The following CCSER1 variants were observed in gnomAD, a reference collection of about 807,000 sequenced individuals.
The protein encoded by CCSER1 is coiled-coil serine rich protein 1.
A neutral mutation model predicts 82.0 loss-of-function variants in CCSER1; 41 were observed. The ratio of observed to expected loss-of-function variants is 0.50; its 90% CI spans 0.39 to 0.65. The LOEUF is 0.65. Among genes scored for constraint, CCSER1 ranks in the 30% least tolerant of loss-of-function variants. CCSER1 has a pLI of 0.00. For missense variants in CCSER1, 1,119 were observed against 1,064.2 expected (o/e 1.05, Z -0.72); for synonymous variants, 414 against 383.9 (o/e 1.08, Z -0.92).
chr4:91,469,118 T>C (rs535584001), intron 10 of CCSER1, among the ~76,000 whole-genome samples: 54 of 152,336 alleles, frequency 3.5e-4, no homozygotes, highest in African/African-American at 1.3e-3. Context: ...CAAATCTACA[T>C]TGGATCTTTC....
intron 10 of CCSER1, among the ~76,000 whole-genome samples, chr4:91,225,286 TAA>T (rs1738065691): frequency 2.2e-5 from 1 of 44,788 alleles, no homozygotes; most frequent in Admixed American, 2.6e-4. Flanking sequence ...TTTATATATG[TAA>T]TATATATGTA....
intron 9 of CCSER1, among the ~76,000 whole-genome samples, chr4:90,929,065 C>T (rs1729409940): frequency 1.3e-5 from 2 of 152,060 alleles, no homozygotes; most frequent in Non-Finnish European, 2.9e-5. Flanking sequence ...CTTGCATTCA[C>T]CCTACCCTCT....
At chr4:91,551,870 A>G (rs1396046403) in intron 10 of CCSER1, among the ~76,000 whole-genome samples, 2 of 151,700 alleles carry the variant, frequency 1.3e-5, no homozygotes. Flanking sequence ...CTTTCCTTTT[A>G]GTGTGCTGAC....
chr4:91,090,188 C>T (rs1039199750), intron 10 of CCSER1, among the ~76,000 whole-genome samples: 1 of 152,088 alleles, frequency 6.6e-6, no homozygotes. Context: ...TCATTTTTCG[C>T]GGGAAGCATA....
intron 7 of CCSER1, among the ~76,000 whole-genome samples, chr4:90,740,051 G>A (rs956077450): frequency 2.0e-5 from 3 of 152,054 alleles, no homozygotes; most frequent in African/African-American, 2.4e-5. Context: ...ATATTGCTCC[G>A]CCTTCGTCAC....
intron 3 of CCSER1, among the ~76,000 whole-genome samples, chr4:90,378,176 C>G (rs1318359951): frequency 6.6e-6 from 1 of 152,192 alleles, no homozygotes; most frequent in Non-Finnish European, 1.5e-5. Context: ...GAACCTACCT[C>G]TGCCTTCAGT....
intron 5 of CCSER1, among the ~76,000 whole-genome samples, chr4:90,567,229 A>G (rs1271768906): frequency 6.6e-6 from 1 of 151,082 alleles, no homozygotes; most frequent in Non-Finnish European, 1.5e-5. Context: ...TTTCTTCTAT[A>G]AACTTCCCCT....
In CCSER1 at chr4:90,551,706, C is replaced by CTCTATA; in HGVS notation, c.1725-76318_1725-76317insCTATAT. Among the ~76,000 whole-genome samples, 520 of 104,208 alleles carry CTCTATA rather than the reference C, an allele frequency of 5.0e-3. 2 individuals carry two copies. Among genetic ancestry groups the CTCTATA allele is most frequent in the African/African-American group, 5.7e-3 (125 of 21,930 alleles). The allele number at this position is 104,208 out of a possible 152,430, so 68.4% of individuals were successfully genotyped here. On this transcript the variant is annotated intron_variant, in intron 5 of 10. Coordinates refer to ENST00000509176, the MANE Select transcript of CCSER1 (RefSeq NM_001145065.2). ...TCTCTCTCTCTCTCTCTCTCTCTCT[C>CTCTATA]TATATATATATATATATATATGTAA...
Position 91,443,681 on chromosome 4 carries a change from G to A in CCSER1, c.2218-154891G>A, listed in dbSNP as rs1033715185. 8.2e-5 allele frequency among the ~76,000 whole-genome samples: 12 copies of A among 147,202 alleles called. No homozygotes were observed. The South Asian group carries it at 1.3e-3, about 16-fold the overall frequency. ...ATAATAAAATAATAATAAAATAAAA[G>A]AAAATAATATTAGCGATCAGAAAAA... On this transcript the variant is annotated intron_variant, in intron 10 of 10. Coordinates refer to ENST00000509176, the MANE Select transcript of CCSER1 (RefSeq NM_001145065.2).
intron 1 of CCSER1, among the ~76,000 whole-genome samples, chr4:90,268,036 A>C (rs1041036986): frequency 6.6e-6 from 1 of 152,244 alleles, no homozygotes; most frequent in Admixed American, 6.5e-5. Flanking sequence ...TTACCCTAGA[A>C]TAGTATATTC....
At chr4:90,379,235 TG>T (rs1561129806) in intron 3 of CCSER1, among the ~76,000 whole-genome samples, 1 of 152,170 alleles carries the variant, frequency 6.6e-6, no homozygotes, top group African/African-American at 2.4e-5. Flanking sequence ...TTCCCTATTT[TG>T]TACTCCCATC....
At chr4:90,557,612 C>T (rs925395716) in intron 5 of CCSER1, among the ~76,000 whole-genome samples, 4 of 151,990 alleles carry the variant, frequency 2.6e-5, no homozygotes, top group Admixed American at 6.5e-5. Flanking sequence ...GCAATAAATA[C>T]CACTACTGAC....
intron 10 of CCSER1, among the ~76,000 whole-genome samples, chr4:91,462,893 A>C (rs1473087344): frequency 1.3e-5 from 2 of 152,144 alleles, no homozygotes; most frequent in Admixed American, 1.3e-4. Flanking sequence ...ACCTCTGCTC[A>C]AGGAGGCCTG....
chr4:90,636,230 T>A (rs1326548743), intron 6 of CCSER1, among the ~76,000 whole-genome samples: 2 of 151,870 alleles, frequency 1.3e-5, no homozygotes, highest in African/African-American at 2.4e-5. Context: ...AAATACAGCT[T>A]TCCAAAGTGA....
In CCSER1 at chr4:91,603,567, C is replaced by G. The variant is rs575547433; in HGVS notation, c.*4510C>G. 6.6e-6 allele frequency: 1 copy of G among 152,040 alleles called. No homozygotes were observed. Among genetic ancestry groups the G allele is most frequent in the South Asian group, 2.1e-4 (1 of 4,830 alleles). The allele number at this position is 152,040 out of a possible 1,614,324, so 9.4% of individuals were successfully genotyped here. On this transcript the variant is annotated 3_prime_UTR_variant, in exon 11 of 11. Coordinates refer to ENST00000509176, the MANE Select transcript of CCSER1 (RefSeq NM_001145065.2). Reference sequence around the variant, plus strand: ...AAGTGATCTAGAATATGGGATACCACGGTTCTTTTTAGAGCATTTTCAGTG... The same window carrying G: ...AAGTGATCTAGAATATGGGATACCAGGGTTCTTTTTAGAGCATTTTCAGTG...
intron 10 of CCSER1, among the ~76,000 whole-genome samples, chr4:91,410,220 A>C (rs780531752): frequency 1.3e-5 from 2 of 152,224 alleles, no homozygotes; most frequent in Middle Eastern, 3.2e-3. Flanking sequence ...ATAATTGAGT[A>C]AAATTTTGGA....
At chr4:91,208,206 T>G (rs1212270769) in intron 10 of CCSER1, among the ~76,000 whole-genome samples, 2 of 152,136 alleles carry the variant, frequency 1.3e-5, no homozygotes, top group African/African-American at 4.8e-5. Context: ...GTTAATAGTT[T>G]ATTTTGCTGT....
At chr4:90,298,965 C>A (rs1317767857) in intron 1 of CCSER1, among the ~76,000 whole-genome samples, 1 of 152,068 alleles carries the variant, frequency 6.6e-6, no homozygotes, top group Non-Finnish European at 1.5e-5. Flanking sequence ...CTTTCTAAAT[C>A]TGACCAAAGC....
chr4:90,650,452 G>C (rs1324296179), intron 6 of CCSER1, among the ~76,000 whole-genome samples: 2 of 152,068 alleles, frequency 1.3e-5, no homozygotes, highest in African/African-American at 4.8e-5. Flanking sequence ...AAAGACTTTG[G>C]ATAAAACTTA....
Sources: gnomAD v4.1 joint callset for allele counts (sites outside exome capture counted in the v4.1 genomes callset) on GRCh38, gnomAD v4.1.1 for gene constraint, MANE v1.5 for transcripts, NCBI Gene and HGNC (gene_info 2026-07-23, HGNC 2026-07-21) for gene names.